CLVS1: variants seen among roughly 807,000 people sequenced by gnomAD.
CLVS1 encodes clavesin 1, also known as clavesin-1.
In CLVS1, 10 loss-of-function variants were observed where a neutral mutation model predicts 33.1. The observed-to-expected ratio is 0.30, with a 90% CI of 0.19 to 0.51. The LOEUF (loss-of-function observed/expected upper bound fraction) is 0.51. Among genes scored for constraint, CLVS1 ranks in the 20% least tolerant of loss-of-function variants. The pLI is 0.97. For missense variants in CLVS1, 343 were observed against 433.4 expected, an observed-to-expected ratio of 0.79 and a Z score of 1.85; for synonymous variants, 163 against 166.1, an observed-to-expected ratio of 0.98 and a Z score of 0.14.
chr8:61,451,966 TG>T lies in CLVS1; in HGVS notation c.631-2174del, dbSNP rs1816980479. On this transcript the variant is annotated intron_variant, in intron 3 of 5. Transcript: ENST00000325897. ...GGAAGTACCTGAATAAAAATGATTC[TG>T]TTTCTATTCTGGTGCAAGCTCAGAA... Among the ~76,000 whole-genome samples the T allele has an allele frequency of 2.0e-5, 3 of 152,326 alleles. No homozygotes were observed. The South Asian group carries it at 6.2e-4, about 32-fold the overall frequency.
chr8:60,992,408 TC>T, the CLVS1 span, among the ~76,000 whole-genome samples: 1 of 152,146 alleles, frequency 6.6e-6, no homozygotes, highest in Non-Finnish European at 1.5e-5. Flanking sequence ...TACATAGACT[TC>T]AGGAGGAGAC....
intron 1 of CLVS1, among the ~76,000 whole-genome samples, chr8:61,113,846 G>A (rs1805671624): frequency 6.6e-6 from 1 of 152,194 alleles, no homozygotes; most frequent in African/African-American, 2.4e-5. Context: ...TGCCCAGGCT[G>A]GTCTCAAATC....
At chr8:61,217,984 T>C (rs754381829) in intron 2 of CLVS1, among the ~76,000 whole-genome samples, 1 of 152,066 alleles carries the variant, frequency 6.6e-6, no homozygotes, top group Non-Finnish European at 1.5e-5. Flanking sequence ...ATGACTATTA[T>C]CAAAAAGACA....
chr8:61,102,428 T>C (rs1284133178), intron 1 of CLVS1, among the ~76,000 whole-genome samples: 1 of 152,238 alleles, frequency 6.6e-6, no homozygotes, highest in African/African-American at 2.4e-5. Flanking sequence ...AGAAATACAA[T>C]TGATTTTTGT....
the CLVS1 span, among the ~76,000 whole-genome samples, chr8:61,033,119 G>GGA: frequency 2.0e-5 from 1 of 49,424 alleles, no homozygotes; most frequent in Admixed American, 1.9e-4. Flanking sequence ...AAGAAGGAAG[G>GGA]AAGAAAGGAA....
At chr8:61,431,409 T>G (rs927561773) in intron 3 of CLVS1, among the ~76,000 whole-genome samples, 2 of 152,348 alleles carry the variant, frequency 1.3e-5, no homozygotes, top group Admixed American at 1.3e-4. Context: ...TTCTTTTTTG[T>G]ATGTGGAAAC....
At chr8:61,438,345 A>G (rs995321073) in intron 3 of CLVS1, among the ~76,000 whole-genome samples, 2 of 152,198 alleles carry the variant, frequency 1.3e-5, no homozygotes, top group Non-Finnish European at 2.9e-5. Context: ...ATGTCCCTGC[A>G]AAGGACATTA....
intron 2 of CLVS1, among the ~76,000 whole-genome samples, chr8:61,325,983 A>C (rs1283424787): frequency 1.3e-5 from 2 of 152,132 alleles, no homozygotes; most frequent in Non-Finnish European, 2.9e-5. Context: ...CATGCTCTAC[A>C]TTATCTCAGA....
the CLVS1 span, among the ~76,000 whole-genome samples, chr8:60,985,030 C>T: frequency 1.3e-5 from 2 of 152,168 alleles, no homozygotes; most frequent in Admixed American, 6.5e-5. Context: ...TTTGCCCAAG[C>T]GAAGTCCTCT....
intron 2 of CLVS1, among the ~76,000 whole-genome samples, chr8:61,320,243 A>G (rs1811148529): frequency 1.3e-5 from 2 of 152,056 alleles, no homozygotes; most frequent in African/African-American, 4.8e-5. Context: ...TTTATAAGTT[A>G]TAATTGTTGT....
chr8:61,253,467 T>C (rs1212152598), intron 2 of CLVS1, among the ~76,000 whole-genome samples: 1 of 152,240 alleles, frequency 6.6e-6, no homozygotes, highest in Non-Finnish European at 1.5e-5. Flanking sequence ...AATGTTGGCC[T>C]GCCTTTCTAG....
chr8:61,141,994 G>A (rs942916023), intron 2 of CLVS1, among the ~76,000 whole-genome samples: 2 of 152,186 alleles, frequency 1.3e-5, no homozygotes, highest in African/African-American at 4.8e-5. Context: ...TTTTTCAGAA[G>A]TTTCTTATAC....
intron 4 of CLVS1, among the ~76,000 whole-genome samples, chr8:61,456,382 C>G (rs756441555): frequency 6.6e-6 from 1 of 152,162 alleles, no homozygotes; most frequent in Non-Finnish European, 1.5e-5. Flanking sequence ...TTATAAAAGC[C>G]AGAAAAGTGA....
the CLVS1 span, among the ~76,000 whole-genome samples, chr8:60,997,942 G>GTGTGTGTGTGTGTTTGTGTGTA: frequency 1.3e-5 from 2 of 152,150 alleles, no homozygotes; most frequent in African/African-American, 4.8e-5. Context: ...GCTTGTGTGT[G>GTGTGTGTGTGTGTTTGTGTGTA]TGTGTGTGTG....
intron 4 of CLVS1, among the ~76,000 whole-genome samples, chr8:61,454,713 G>A (rs983066684): frequency 6.6e-6 from 1 of 152,150 alleles, no homozygotes; most frequent in African/African-American, 2.4e-5. Context: ...ATTCTTCTTT[G>A]GAAATAACAC....
At chr8:61,335,677 A>G (rs947020248) in intron 2 of CLVS1, among the ~76,000 whole-genome samples, 1 of 152,228 alleles carries the variant, frequency 6.6e-6, no homozygotes, top group East Asian at 1.9e-4. Flanking sequence ...GAATTTATCT[A>G]CAGTGTATTT....
chr8:61,379,957 G>C (rs182755234), intron 3 of CLVS1, among the ~76,000 whole-genome samples: 127 of 152,330 alleles, frequency 8.3e-4, no homozygotes, highest in African/African-American at 2.9e-3. Flanking sequence ...TCCAAAGGGA[G>C]CTGTTATCTG....
chr8:60,989,032 TACAA>T, the CLVS1 span, among the ~76,000 whole-genome samples: 2 of 152,128 alleles, frequency 1.3e-5, no homozygotes, highest in African/African-American at 4.8e-5. Flanking sequence ...GCCAGCTAAT[TACAA>T]ACAATTTTTT....
chr8:61,053,834 A>C (rs559447258), upstream of CLVS1, among the ~76,000 whole-genome samples: 1 of 152,246 alleles, frequency 6.6e-6, no homozygotes, highest in Admixed American at 6.5e-5. Context: ...TTAGGATGCA[A>C]ATCTTGGCCA....
Sources: allele counts gnomAD v4.1 joint callset (sites outside exome capture counted in the v4.1 genomes callset), GRCh38; gene constraint gnomAD v4.1.1; transcripts MANE v1.5; gene names NCBI Gene and HGNC (gene_info 2026-07-23, HGNC 2026-07-21).